The following ROPN1 variants were observed in gnomAD, a reference collection of about 807,000 sequenced individuals.
ROPN1 encodes the protein ropporin-1A.
A neutral mutation model predicts 20.5 loss-of-function variants in ROPN1; 14 were observed. That is an observed-to-expected ratio of 0.68 (90% CI 0.45 to 1.07). ROPN1 has a LOEUF of 1.07. Among genes scored for constraint, ROPN1 ranks in the 50% least tolerant of loss-of-function variants. The pLI is 0.00. For synonymous variants in ROPN1, 76 were observed against 95.7 expected (o/e 0.79, Z 1.20); for missense variants, 169 against 242.8 (o/e 0.70, Z 2.02).
In ROPN1 at chr3:123,982,455, G is replaced by T. The variant is rs180719767; in HGVS notation, c.-12-1962C>A. On this transcript the variant is annotated intron_variant, in intron 1 of 5. Transcript: ENST00000405845. ...TGGTGGAGGAGGGAGAGGATGGAGA[G>T]GGATGTTATTAGGGAAATACAACAA... Among the ~76,000 whole-genome samples the T allele has an allele frequency of 1.0e-3, 155 of 152,240 alleles. 1 individual carries two copies. Among genetic ancestry groups the T allele is most frequent in the African/African-American group, 3.6e-3 (150 of 41,544 alleles).
In ROPN1 at chr3:123,977,791, C is replaced by T. The variant is rs1559823455; in HGVS notation, c.117-810G>A. Among the ~76,000 whole-genome samples, 3 of 152,350 alleles carry T rather than the reference C, an allele frequency of 2.0e-5. No individual in the cohort carries two copies. In the East Asian group the frequency reaches 5.8e-4, roughly 29 times the overall value. ...CAAAATTTTCAGTGAAATCTGCCTG[C>T]TCCTCAATGTTTTGTGGAGTGGACT... On this transcript the variant is annotated intron_variant, in intron 2 of 5. Transcript: ENST00000405845.
At chr3:123,980,533 C>T (rs769558896) in intron 1 of ROPN1, 40 bp from the exon 2 acceptor site, 2 of 1,581,828 alleles carry the variant, frequency 1.3e-6, no homozygotes, top group African/African-American at 1.3e-5. Context: ...ATGAAAACTT[C>T]GATTCATACG....
intron 4 of ROPN1, among the ~76,000 whole-genome samples, chr3:123,973,510 G>A (rs1366613586): frequency 6.6e-6 from 1 of 152,136 alleles, no homozygotes; most frequent in Non-Finnish European, 1.5e-5. Flanking sequence ...TATTTTAGAA[G>A]GGAAGTAGAA....
At chr3:123,987,028 C>T (rs1047469983) in intron 1 of ROPN1, among the ~76,000 whole-genome samples, 9 of 152,240 alleles carry the variant, frequency 5.9e-5, no homozygotes, top group African/African-American at 2.2e-4. Context: ...AGTTCCCCTA[C>T]AGCTAAAGTC....
chr3:123,990,972 CTA>C, intron 1 of ROPN1, among the ~76,000 whole-genome samples: 1 of 152,308 alleles, frequency 6.6e-6, no homozygotes, highest in East Asian at 1.9e-4. Flanking sequence ...CAGAGGGTTT[CTA>C]TGAGTATCAC....
At chr3:123,980,197 A>G in intron 2 of ROPN1, 169 bp downstream of exon 2, 2 of 659,478 alleles carry the variant, frequency 3.0e-6, no homozygotes, top group Non-Finnish European at 5.3e-6. Context: ...AGCTAGATGT[A>G]GCATTTATGT....
intron 1 of ROPN1, among the ~76,000 whole-genome samples, chr3:123,986,353 TA>T (rs1265502119): frequency 6.6e-6 from 1 of 152,158 alleles, no homozygotes; most frequent in African/African-American, 2.4e-5. Context: ...CTCAGGGACA[TA>T]CAAAAGTTCC....
intron 1 of ROPN1, among the ~76,000 whole-genome samples, chr3:123,986,619 C>A (rs555512043): frequency 6.6e-6 from 1 of 152,286 alleles, no homozygotes; most frequent in South Asian, 2.1e-4. Context: ...GTTCTGTACC[C>A]TCCAAGGCTC....
chr3:123,970,305 T>C, intron 4 of ROPN1, 88 bp from the exon 5 acceptor site: 2 of 1,179,342 alleles, frequency 1.7e-6, no homozygotes, highest in Non-Finnish European at 2.4e-6. Flanking sequence ...AAAACAAAAA[T>C]ATTGCTCTTA....
At chr3:123,990,954 C>T (rs1043043704) in intron 1 of ROPN1, among the ~76,000 whole-genome samples, 1 of 152,194 alleles carries the variant, frequency 6.6e-6, no homozygotes, top group Non-Finnish European at 1.5e-5. Context: ...GGCTCCAGGG[C>T]AGAATCTCAG....
chr3:123,979,719 C>T, intron 2 of ROPN1: 1 of 400,114 alleles, frequency 2.5e-6, no homozygotes, highest in Non-Finnish European at 5.0e-6. Context: ...TGGCCTTTCC[C>T]CAGAATGCAG....
intron 1 of ROPN1, among the ~76,000 whole-genome samples, chr3:123,982,185 C>A (rs1380512824): frequency 6.6e-6 from 1 of 152,084 alleles, no homozygotes; most frequent in Non-Finnish European, 1.5e-5. Flanking sequence ...TACTTTAAGG[C>A]AAAATGCACT....
At chr3:123,976,516 CTG>C (rs2038026460) in intron 3 of ROPN1, among the ~76,000 whole-genome samples, 2 of 152,186 alleles carry the variant, frequency 1.3e-5, no homozygotes, top group African/African-American at 2.4e-5. Flanking sequence ...CTTCCCCAAA[CTG>C]TGATTTTCAT....
At chr3:123,976,128 G>A (rs6810298) in intron 3 of ROPN1, among the ~76,000 whole-genome samples, 81,614 of 152,028 alleles carry the variant, frequency 0.54, 24,335 homozygotes, top group Non-Finnish European at 0.69. Flanking sequence ...GGTACTTGGT[G>A]GATAAAAGGA....
chr3:123,977,693 A>G (rs1454421031), intron 2 of ROPN1, among the ~76,000 whole-genome samples: 1 of 152,192 alleles, frequency 6.6e-6, no homozygotes, highest in Non-Finnish European at 1.5e-5. Context: ...GAGAGAAGAG[A>G]AGCCGAAGAA....
chr3:123,979,990 A>C (rs866908618), intron 2 of ROPN1: 4 of 451,814 alleles, frequency 8.9e-6, no homozygotes, highest in African/African-American at 5.9e-5. Context: ...AGAACGAAGA[A>C]AGGCAGATTA....
intron 2 of ROPN1, 72 bp from the exon 3 acceptor site, chr3:123,977,053 C>T: frequency 2.7e-6 from 4 of 1,456,526 alleles, no homozygotes; most frequent in Non-Finnish European, 3.7e-6. Context: ...AGCAATCCTT[C>T]CACCTTCTTC....
rs76261410 is a variant in ROPN1 at position 123,984,105 on chromosome 3, G to A, written c.-12-3612C>T. On this transcript the variant is annotated intron_variant, in intron 1 of 5. Coordinates refer to ENST00000405845, the MANE Select transcript of ROPN1 (RefSeq NM_001317774.2). ...CTTCCTCCTTCCTTGCTCTGAGGAA[G>A]AGTTAGCAATCTTCCCCCAACTCAG... is the stretch of plus-strand genomic sequence containing the variant. Among the ~76,000 whole-genome samples, 1,243 of 152,226 alleles carry A rather than the reference G, an allele frequency of 8.2e-3. 4 individuals carry two copies. Among genetic ancestry groups the A allele is most frequent in the Non-Finnish European group, 0.013 (906 of 68,014 alleles).
intron 5 of ROPN1, 109 bp downstream of exon 5, chr3:123,969,933 A>C: frequency 9.4e-7 from 1 of 1,061,862 alleles, no homozygotes; most frequent in Non-Finnish European, 1.4e-6. Flanking sequence ...TGTTTCTCAC[A>C]ATACTTTTCT....
Sources: gnomAD v4.1 joint callset for allele counts (sites outside exome capture counted in the v4.1 genomes callset) on GRCh38, gnomAD v4.1.1 for gene constraint, MANE v1.5 for transcripts, NCBI Gene and HGNC (gene_info 2026-07-23, HGNC 2026-07-21) for gene names.